The following IL1RAPL2 variants were observed in gnomAD, a reference collection of about 807,000 sequenced individuals.
IL1RAPL2 encodes X-linked interleukin-1 receptor accessory protein-like 2.
Under a neutral mutation model 44.1 loss-of-function variants are expected in IL1RAPL2, and 3 were observed. The ratio of observed to expected loss-of-function variants is 0.07; its 90% CI spans 0.03 to 0.18. IL1RAPL2 has a LOEUF of 0.18. Ranked by LOEUF, IL1RAPL2 falls within the 10% of genes least tolerant of loss-of-function variation. The probability of loss-of-function intolerance (pLI) is 1.00; values close to 1 mark genes in which losing one functional copy is unlikely to be tolerated. For missense variants in IL1RAPL2, 391 were observed against 496.4 expected (o/e 0.79, Z 2.02); for synonymous variants, 181 against 178.8 (o/e 1.01, Z -0.10).
At chrX:104,777,432 C>A (rs1932735580) in intron 2 of IL1RAPL2, among the ~76,000 whole-genome samples, 1 of 109,744 alleles carries the variant, frequency 9.1e-6, no homozygotes, top group Admixed American at 9.8e-5. Context: ...ACATTTTGTT[C>A]ATTCATTCAT....
chrX:104,678,902 C>G (rs1396100462), intron 2 of IL1RAPL2, among the ~76,000 whole-genome samples: 1 of 110,783 alleles, frequency 9.0e-6, no homozygotes, highest in Non-Finnish European at 1.9e-5. Flanking sequence ...CAGCAAACCA[C>G]CATGGCACGT....
chrX:105,260,360 G>T (rs1353407674), intron 4 of IL1RAPL2, among the ~76,000 whole-genome samples: 1 of 112,575 alleles, frequency 8.9e-6, no homozygotes, highest in Non-Finnish European at 1.9e-5. Context: ...TGGAGGCCCA[G>T]TTTGGGAGGT....
intron 2 of IL1RAPL2, among the ~76,000 whole-genome samples, chrX:104,907,449 A>T (rs1302647056): frequency 9.1e-6 from 1 of 109,854 alleles, no homozygotes; most frequent in African/African-American, 3.3e-5. Context: ...TAGTGCTATA[A>T]ATTTCCCTCT....
intron 2 of IL1RAPL2, among the ~76,000 whole-genome samples, chrX:105,055,708 C>A (rs1191667782): frequency 2.7e-5 from 3 of 111,615 alleles, no homozygotes; most frequent in African/African-American, 9.8e-5. Flanking sequence ...GATGTACAGT[C>A]AAATGCAAAA....
chrX:105,382,088 G>A (rs1333339752), intron 5 of IL1RAPL2, among the ~76,000 whole-genome samples: 1 of 111,006 alleles, frequency 9.0e-6, no homozygotes, highest in Non-Finnish European at 1.9e-5. Flanking sequence ...AACACCAAAA[G>A]CAATGGCAAC....
intron 5 of IL1RAPL2, among the ~76,000 whole-genome samples, chrX:105,413,409 A>C (rs1359474270): frequency 2.7e-5 from 3 of 111,410 alleles, no homozygotes; most frequent in East Asian, 5.7e-4. Flanking sequence ...AAGAAGAAGA[A>C]GGCAGAAATG....
chrX:105,669,307 T>A (rs2147851713), intron 6 of IL1RAPL2, among the ~76,000 whole-genome samples: 1 of 111,585 alleles, frequency 9.0e-6, no homozygotes, highest in Non-Finnish European at 1.9e-5. Flanking sequence ...GGTTCAAGTT[T>A]TCTCCGTCTT....
chrX:105,018,333 A>G (rs1049562172), intron 2 of IL1RAPL2, among the ~76,000 whole-genome samples: 5 of 111,090 alleles, frequency 4.5e-5, no homozygotes, highest in Non-Finnish European at 9.5e-5. Context: ...GTGACTTTTT[A>G]TGTGCATTCC....
intron 2 of IL1RAPL2, among the ~76,000 whole-genome samples, chrX:105,141,362 G>T (rs2017243399): frequency 9.1e-6 from 1 of 110,437 alleles, no homozygotes; most frequent in African/African-American, 3.3e-5. Context: ...GAAATAACTG[G>T]TGGTATCATA....
At chrX:104,679,791 G>T (rs1207215549) in intron 2 of IL1RAPL2, among the ~76,000 whole-genome samples, 1 of 111,431 alleles carries the variant, frequency 9.0e-6, no homozygotes, top group South Asian at 3.8e-4. Context: ...CTCTGAGAAA[G>T]CAGGGGAATG....
At chrX:105,233,669 C>T (rs554371510) in intron 3 of IL1RAPL2, 149 bp from the exon 4 acceptor site, 14 of 455,700 alleles carry the variant, frequency 3.1e-5, no homozygotes, top group East Asian at 2.1e-4. Context: ...TCAGTTGCAG[C>T]ATAAAACTGC....
chrX:105,115,132 C>G (rs927187706), intron 2 of IL1RAPL2, among the ~76,000 whole-genome samples: 1 of 110,827 alleles, frequency 9.0e-6, no homozygotes, highest in Non-Finnish European at 1.9e-5. Context: ...GGGGTTTGTT[C>G]CTTCTGGTGT....
chrX:105,645,201 A>C (rs1048193573), intron 6 of IL1RAPL2, among the ~76,000 whole-genome samples: 147 of 111,615 alleles, frequency 1.3e-3, no homozygotes, highest in African/African-American at 4.7e-3. Flanking sequence ...TTTCTGTCCT[A>C]AACGTCCCAT....
At chrX:105,523,578 C>T (rs1412664712) in intron 6 of IL1RAPL2, among the ~76,000 whole-genome samples, 1 of 110,959 alleles carries the variant, frequency 9.0e-6, no homozygotes, top group African/African-American at 3.3e-5. Flanking sequence ...TTGTTTCATC[C>T]ATCCCATTTG....
chrX:105,263,534 C>T (rs1260815886), intron 4 of IL1RAPL2, among the ~76,000 whole-genome samples: 2 of 111,534 alleles, frequency 1.8e-5, no homozygotes, highest in African/African-American at 6.5e-5. Context: ...GTAAATATTT[C>T]AGGTTGGAAA....
chrX:105,056,341 A>T (rs1407857255), intron 2 of IL1RAPL2, among the ~76,000 whole-genome samples: 1 of 111,849 alleles, frequency 8.9e-6, no homozygotes, highest in Non-Finnish European at 1.9e-5. Context: ...ATAAAAGAGG[A>T]CTTCTGACAA....
chrX:105,428,356 G>T (rs1336638224), intron 5 of IL1RAPL2, among the ~76,000 whole-genome samples: 1 of 111,304 alleles, frequency 9.0e-6, no homozygotes, highest in South Asian at 3.8e-4. Flanking sequence ...TCATTTCCAG[G>T]TCAAGATTTT....
At chrX:105,292,170 G>T (rs2034618432) in intron 5 of IL1RAPL2, among the ~76,000 whole-genome samples, 2 of 112,000 alleles carry the variant, frequency 1.8e-5, no homozygotes, top group South Asian at 7.4e-4. Flanking sequence ...ATAACTCAAT[G>T]AAGTAGTATT....
rs748283175 is a variant in IL1RAPL2 at position 104,718,313 on chromosome X, A to G, written c.82+59318A>G. ...ACCGCCATTCTAACTGGTGTGAGAT[A>G]GTATCTCATTGTGGTTTTGATTTAC... On this transcript the variant is annotated intron_variant, in intron 2 of 10. Coordinates refer to ENST00000372582, the MANE Select transcript of IL1RAPL2 (RefSeq NM_017416.2). Among the ~76,000 whole-genome samples the G allele has an allele frequency of 4.4e-4, 49 of 111,226 alleles. No individual in the cohort carries two copies. In the East Asian group the frequency reaches 7.8e-3, roughly 18 times the overall value.
Sources: allele counts gnomAD v4.1 joint callset (sites outside exome capture counted in the v4.1 genomes callset), GRCh38; gene constraint gnomAD v4.1.1; transcripts MANE v1.5; gene names NCBI Gene and HGNC (gene_info 2026-07-23, HGNC 2026-07-21).